The following ZNF493 variants were observed in gnomAD, a reference collection of about 807,000 sequenced individuals.
ZNF493 encodes the protein zinc finger protein 493.
In ZNF493, 11 loss-of-function variants were observed where a neutral mutation model predicts 12.2. The ratio of observed to expected loss-of-function variants is 0.90; its 90% confidence interval spans 0.57 to 1.50. The LOEUF (loss-of-function observed/expected upper bound fraction) is 1.50. ZNF493 is among the 40% of genes most tolerant of loss of function. The pLI is 0.00. For synonymous variants in ZNF493, 286 were observed against 302.6 expected, an observed-to-expected ratio of 0.95 and a Z score of 0.57; for missense variants, 950 against 906.6, an observed-to-expected ratio of 1.05 and a Z score of -0.61.
At chr19:21,397,629 G>T in intron 1 of ZNF493, 2 of 486,086 alleles carry the variant, frequency 4.1e-6, no homozygotes, top group Non-Finnish European at 7.2e-6. Flanking sequence ...GCTTTGGTCC[G>T]TGGGGTTCCC....
At chr19:21,408,491 T>G in intron 3 of ZNF493, 1 of 983,778 alleles carries the variant, frequency 1.0e-6, no homozygotes. Context: ...ATAATTATAC[T>G]GCATATTCTC....
intron 2 of ZNF493, 48 bp from the exon 3 acceptor site, chr19:21,405,713 A>G: frequency 6.6e-7 from 1 of 1,510,216 alleles, no homozygotes; most frequent in East Asian, 2.3e-5. Flanking sequence ...TAGGTAGGTA[A>G]TTAGAGAATA....
intron 1 of ZNF493, among the ~76,000 whole-genome samples, chr19:21,401,620 A>AT (rs1568376536): frequency 1.3e-5 from 2 of 151,158 alleles, no homozygotes; most frequent in Non-Finnish European, 2.9e-5. Context: ...TTATTTATTT[A>AT]TTTATTTTAT....
intron 3 of ZNF493, chr19:21,408,944 G>A: frequency 2.0e-6 from 1 of 493,812 alleles, no homozygotes; most frequent in Non-Finnish European, 2.6e-6. Flanking sequence ...GTGTGCAGTG[G>A]AACAATCTCG....
chr19:21,407,278 TA>T (rs1328883288), intron 3 of ZNF493, among the ~76,000 whole-genome samples: 1 of 151,958 alleles, frequency 6.6e-6, no homozygotes, highest in Non-Finnish European at 1.5e-5. Flanking sequence ...TTATTAATCT[TA>T]AAAAATTATT....
chr19:21,426,073 T>TA lies in ZNF493; in HGVS notation c.*1090dup, dbSNP rs1219945987. On this transcript the variant is annotated 3_prime_UTR_variant, in exon 4 of 4. Coordinates refer to ENST00000392288, the MANE Select transcript of ZNF493 (RefSeq NM_001076678.3). ...ACTAGTCCTCAGTTCTTAACACACA[T>TA]ACGATAATTCTTACTGCAGAGAAAC... is the stretch of plus-strand genomic sequence containing the variant. 1.7e-5 allele frequency: 6 copies of TA among 357,696 alleles called. No individual in the cohort carries two copies. Among genetic ancestry groups the TA allele is most frequent in the South Asian group, 1.6e-4 (6 of 38,042 alleles). The allele number at this position is 357,696 out of a possible 1,614,324, so 22.2% of individuals were successfully genotyped here.
At chr19:21,411,692 C>T (rs1186324714) in intron 3 of ZNF493, among the ~76,000 whole-genome samples, 1 of 151,620 alleles carries the variant, frequency 6.6e-6, no homozygotes, top group East Asian at 1.9e-4. Flanking sequence ...TGCACTCCAG[C>T]CTGGGTGACA....
rs895710832 is a variant in ZNF493 at position 21,423,579 on chromosome 19, C to T, written c.920C>T (p.Thr307Ile). Residue 307 changes from threonine to isoleucine, a missense_variant, in exon 4 of 4, where the codon ACC becomes ATC. Transcript: ENST00000392288. ...QYGKTFNQSS[T>I]LTGHKIIHNG... Reference sequence around the variant, plus strand: ...GGCAAAACTTTTAACCAATCTTCAACCCTTACTGGACATAAGATAATTCAT... The same window carrying T: ...GGCAAAACTTTTAACCAATCTTCAATCCTTACTGGACATAAGATAATTCAT... 1.2e-6 allele frequency: 2 copies of T among 1,613,122 alleles called. No individual in the cohort carries two copies. Among genetic ancestry groups the T allele is most frequent in the African/African-American group, 2.7e-5 (2 of 74,662 alleles).
rs930485691 is a variant in ZNF493 at position 21,424,301 on chromosome 19, G to T, written c.1642G>T (p.Glu548Ter). ...IHTGEKPYKCEECGKAFNRSS... is the reference protein window; with the variant it reads ...IHTGEKPYKC ...CACTGGAGAAAAACCCTACAAATGT[G>T]AAGAATGTGGCAAAGCTTTTAATCG... is the stretch of plus-strand genomic sequence containing the variant. The change falls in exon 4 of 4, where the codon GAA (glutamate) becomes TAA (stop). Residue 548 changes from glutamate to a stop codon, truncating the protein, a stop_gained. Coordinates refer to ENST00000392288, the MANE Select transcript of ZNF493 (RefSeq NM_001076678.3). LOFTEE classifies it low-confidence loss of function (END_TRUNC). The T allele has an allele frequency of 1.2e-6, 2 of 1,613,418 alleles. No individual in the cohort carries two copies. The highest frequency in any genetic ancestry group is 2.2e-5 in the South Asian group (2 of 91,044).
At chr19:21,404,677 TTAG>T (rs1219973864) in intron 1 of ZNF493, among the ~76,000 whole-genome samples, 1 of 152,216 alleles carries the variant, frequency 6.6e-6, no homozygotes, top group Non-Finnish European at 1.5e-5. Flanking sequence ...AGTGAACTTG[TTAG>T]AAATTCAGAA....
At chr19:21,399,686 G>C (rs1257157178) in intron 1 of ZNF493, among the ~76,000 whole-genome samples, 6 of 152,036 alleles carry the variant, frequency 3.9e-5, no homozygotes, top group African/African-American at 1.2e-4. Flanking sequence ...TTCTTTCCCA[G>C]AGTGAGTTTT....
At chr19:21,416,423 C>G (rs886218254) in intron 3 of ZNF493, among the ~76,000 whole-genome samples, 5 of 152,132 alleles carry the variant, frequency 3.3e-5, no homozygotes, top group Non-Finnish European at 5.9e-5. Context: ...GGTTGTCCAT[C>G]GGGCCCTTCA....
At chr19:21,408,207 CT>C in intron 3 of ZNF493, 1 of 889,522 alleles carries the variant, frequency 1.1e-6, no homozygotes, top group Non-Finnish European at 1.3e-6. Context: ...CTCATCAAAA[CT>C]TTTGCCTCCC....
chr19:21,427,374 G>A lies in ZNF493; in HGVS notation c.*2390G>A, dbSNP rs912498346. 6.5e-6 allele frequency: 1 copy of A among 155,036 alleles called. No individual in the cohort carries two copies. The highest frequency in any genetic ancestry group is 1.5e-5 in the Non-Finnish European group (1 of 68,042). The allele number at this position is 155,036 out of a possible 1,614,324, so 9.6% of individuals were successfully genotyped here. On this transcript the variant is annotated 3_prime_UTR_variant, in exon 4 of 4. Coordinates refer to ENST00000392288, the MANE Select transcript of ZNF493 (RefSeq NM_001076678.3). ...TACATATGTATACATGTGCCATGCT[G>A]GTGCGCTGCACCCACTAACTCGTCA...
rs772117747 is a variant in ZNF493 at position 21,423,580 on chromosome 19, C to A, written c.921C>A (p.Thr307=). 6.2e-7 allele frequency: 1 copy of A among 1,613,616 alleles called. No homozygotes were observed. The highest frequency in any genetic ancestry group is 8.5e-7 in the Non-Finnish European group (1 of 1,179,778). The part of the protein sequence containing the change: ...QYGKTFNQSS[T]LTGHKIIHNG... ...GCAAAACTTTTAACCAATCTTCAAC[C>A]CTTACTGGACATAAGATAATTCATA... Residue 307 remains threonine (T), a synonymous_variant, in exon 4 of 4, where the codon ACC becomes ACA. Transcript: ENST00000392288.
chr19:21,410,374 G>T (rs894008635), intron 3 of ZNF493, among the ~76,000 whole-genome samples: 1 of 151,968 alleles, frequency 6.6e-6, no homozygotes, highest in Non-Finnish European at 1.5e-5. Flanking sequence ...CATATTTGGT[G>T]TGCTTAAAAT....
intron 3 of ZNF493, 74 bp from the exon 4 acceptor site, chr19:21,422,839 T>G: frequency 7.6e-7 from 1 of 1,323,718 alleles, no homozygotes; most frequent in Non-Finnish European, 1.0e-6. Context: ...TGTATAATAT[T>G]ATAGTTTAGA....
chr19:21,399,966 T>C (rs560289184), intron 1 of ZNF493, among the ~76,000 whole-genome samples: 48 of 152,344 alleles, frequency 3.2e-4, no homozygotes, highest in African/African-American at 9.6e-4. Flanking sequence ...GTGAGTTTCA[T>C]GCTAAATATT....
At position 21,400,180 on chromosome 19, in the gene ZNF493, G is replaced by A. The variant is rs181224003; in HGVS notation, c.30+2913G>A. Among the ~76,000 whole-genome samples, 1,067 of 152,316 alleles carry A rather than the reference G, an allele frequency of 7.0e-3. 66 individuals are homozygous for A. Among genetic ancestry groups the A allele is most frequent in the Admixed American group, 0.064 (977 of 15,298 alleles). On this transcript the variant is annotated intron_variant, in intron 1 of 3. Coordinates refer to ENST00000392288, the MANE Select transcript of ZNF493 (RefSeq NM_001076678.3). ...TAATCCCAGCACTTTGGGAGTCTGA[G>A]GCGAGTAGATCACAAGGTCAAGAGA... is the stretch of plus-strand genomic sequence containing the variant.
Sources: allele counts gnomAD v4.1 joint callset (sites outside exome capture counted in the v4.1 genomes callset), GRCh38; gene constraint gnomAD v4.1.1; transcripts MANE v1.5; gene names NCBI Gene and HGNC (gene_info 2026-07-23, HGNC 2026-07-21).